The following SLC43A3 variants were observed in gnomAD, a reference collection of about 807,000 sequenced individuals.
SLC43A3 encodes solute carrier family 43 member 3, also known as equilibrative nucleobase transporter 1.
Under a neutral mutation model 53.3 loss-of-function variants are expected in SLC43A3, and 33 were observed. The observed-to-expected ratio is 0.62, with a 90% CI of 0.47 to 0.83. The LOEUF is 0.83. Among genes scored for constraint, SLC43A3 ranks in the 40% least tolerant of loss-of-function variants. The pLI, the probability that SLC43A3 is intolerant of heterozygous loss-of-function variation, is 0.00. For missense variants in SLC43A3, 530 were observed against 610.0 expected, an observed-to-expected ratio of 0.87 and a Z score of 1.38; for synonymous variants, 236 against 246.2, an observed-to-expected ratio of 0.96 and a Z score of 0.39.
Position 57,421,048 on chromosome 11 carries a change from C to G in SLC43A3, c.455G>C (p.Gly152Ala), listed in dbSNP as rs542036709. ...AGTGATGATGGTCGAACGGTGTTGG[C>G]CAAATAGGTTCCCAATCTGGGGATG... ...ITNLQIGNLF[G>A]QHRSTIITLY... is the part of the protein sequence containing the mutation. The change falls in exon 7 of 14, where the codon GGC becomes GCC. Residue 152 changes from glycine to alanine, a missense_variant. By Grantham distance (60) the Gly-to-Ala change is moderately conservative. Transcript: ENST00000395124. 6.2e-7 allele frequency: 1 copy of G among 1,612,944 alleles called. No homozygotes were observed. Among genetic ancestry groups the G allele is most frequent in the South Asian group, 1.1e-5 (1 of 91,052 alleles).
At chr11:57,421,222 T>C (rs1173029544) in intron 6 of SLC43A3, 75 bp downstream of exon 6, 7 of 1,392,708 alleles carry the variant, frequency 5.0e-6, no homozygotes, top group Non-Finnish European at 7.1e-6. Flanking sequence ...GGCAGCCAAT[T>C]ATAGAAAAGG....
At chr11:57,412,964 T>TTAAC (rs1942548117) in intron 11 of SLC43A3, among the ~76,000 whole-genome samples, 4 of 151,708 alleles carry the variant, frequency 2.6e-5, no homozygotes, top group Admixed American at 2.6e-4. Flanking sequence ...TCTAAACCAG[T>TTAAC]TGATCAATCT....
rs1241530875 is a variant in SLC43A3 at position 57,426,294 on chromosome 11, G to A, written c.-122C>T. The A allele has an allele frequency of 1.6e-5, 14 of 890,694 alleles. No individual in the cohort carries two copies. The East Asian group carries it at 3.7e-4, about 23-fold the overall frequency. The allele number at this position is 890,694 out of a possible 1,614,324, so 55.2% of individuals were successfully genotyped here. On this transcript the variant is annotated 5_prime_UTR_variant, in exon 3 of 14. The change creates a new upstream start codon in the 5' untranslated region. Coordinates refer to ENST00000395124, the MANE Select transcript of SLC43A3 (RefSeq NM_199329.3). ...TGGCAAGCCAAGCCCTTCCTTTCCCGTAGCTCTCTGGTTGTTTCAGGCCTG... is the reference window on the plus strand; with the variant it reads ...TGGCAAGCCAAGCCCTTCCTTTCCCATAGCTCTCTGGTTGTTTCAGGCCTG...
At chr11:57,410,794 G>C (rs1274464379) in intron 11 of SLC43A3, among the ~76,000 whole-genome samples, 2 of 152,218 alleles carry the variant, frequency 1.3e-5, no homozygotes, top group Non-Finnish European at 2.9e-5. Flanking sequence ...CCCAGTGGGG[G>C]AGGGTAACTG....
chr11:57,417,897 G>A lies in SLC43A3; in HGVS notation c.532-10C>T. On this transcript the variant is annotated splice_polypyrimidine_tract_variant and intron_variant, in intron 7 of 13. Transcript: ENST00000395124. Reference sequence around the variant, plus strand: ...CTTTTTCATAAAGAAGCTGCAGAAGGAGAAGGAAAAAGTCAGTGTCACACC... The same window carrying A: ...CTTTTTCATAAAGAAGCTGCAGAAGAAGAAGGAAAAAGTCAGTGTCACACC... The A allele has an allele frequency of 3.1e-6, 5 of 1,613,588 alleles. No homozygotes were observed. Among genetic ancestry groups the A allele is most frequent in the Non-Finnish European group, 3.4e-6 (4 of 1,179,718 alleles).
intron 7 of SLC43A3, among the ~76,000 whole-genome samples, chr11:57,418,902 AG>A (rs1208641768): frequency 6.6e-6 from 1 of 151,082 alleles, no homozygotes; most frequent in African/African-American, 2.5e-5. Context: ...AAAAAAAAAA[AG>A]GTTAAGATAG....
chr11:57,408,829 G>A (rs1942320588), intron 13 of SLC43A3: 1 of 247,650 alleles, frequency 4.0e-6, no homozygotes, highest in South Asian at 5.7e-5. Flanking sequence ...CCCTCCAGGT[G>A]TAAGGACACA....
At chr11:57,418,052 A>C (rs1251916816) in intron 7 of SLC43A3, among the ~76,000 whole-genome samples, 165 bp from the exon 8 acceptor site, 1 of 152,216 alleles carries the variant, frequency 6.6e-6, no homozygotes, top group East Asian at 1.9e-4. Context: ...TAAAAAAGGA[A>C]AGAGGCAACC....
At chr11:57,425,729 G>C (rs1284935384) in intron 3 of SLC43A3, 59 bp from the exon 4 acceptor site, 1 of 1,604,362 alleles carries the variant, frequency 6.2e-7, no homozygotes, top group East Asian at 2.2e-5. Flanking sequence ...GAGCACACAG[G>C]CTGGGCTCCC....
chr11:57,414,822 C>T (rs945776193), intron 10 of SLC43A3, 91 bp from the exon 11 acceptor site: 4 of 1,524,598 alleles, frequency 2.6e-6, no homozygotes, highest in African/African-American at 1.4e-5. Context: ...GTCTGCATGT[C>T]CCTCCTCCCC....
At chr11:57,412,521 T>C (rs540825782) in intron 11 of SLC43A3, among the ~76,000 whole-genome samples, 4 of 152,220 alleles carry the variant, frequency 2.6e-5, no homozygotes, top group Admixed American at 2.6e-4. Flanking sequence ...AAGATAGAAA[T>C]AGAAAATCAT....
intron 3 of SLC43A3, 85 bp from the exon 4 acceptor site, chr11:57,425,755 C>T: frequency 6.3e-7 from 1 of 1,576,452 alleles, no homozygotes; most frequent in South Asian, 1.1e-5. Context: ...CCTCAGACAG[C>T]TTGTCGGTCG....
intron 7 of SLC43A3, among the ~76,000 whole-genome samples, chr11:57,419,230 T>C (rs1474976060): frequency 2.6e-5 from 4 of 152,182 alleles, no homozygotes; most frequent in Admixed American, 2.0e-4. Flanking sequence ...CAAAAATTCA[T>C]CTTACAAAAC....
At chr11:57,410,926 G>A (rs937703353) in intron 11 of SLC43A3, among the ~76,000 whole-genome samples, 3 of 152,212 alleles carry the variant, frequency 2.0e-5, no homozygotes, top group South Asian at 2.1e-4. Flanking sequence ...TGCCACCACC[G>A]TGTAAGAAGT....
intron 13 of SLC43A3, 49 bp from the exon 14 acceptor site, chr11:57,407,945 G>T (rs921263784): frequency 1.6e-6 from 2 of 1,283,530 alleles, no homozygotes; most frequent in Non-Finnish European, 2.3e-6. Context: ...CTGAACAACA[G>T]AACTGTTGCT....
At chr11:57,416,298 C>A (rs549302886) in intron 9 of SLC43A3, among the ~76,000 whole-genome samples, 1 of 151,996 alleles carries the variant, frequency 6.6e-6, no homozygotes, top group African/African-American at 2.4e-5. Context: ...AGGGCAGAAC[C>A]GAGGAGTGGG....
chr11:57,424,836 T>G (rs759868102), intron 4 of SLC43A3, among the ~76,000 whole-genome samples: 1 of 152,186 alleles, frequency 6.6e-6, no homozygotes, highest in African/African-American at 2.4e-5. Context: ...ATCTCACATG[T>G]GCCTCCCTGG....
intron 7 of SLC43A3, among the ~76,000 whole-genome samples, chr11:57,418,908 A>G (rs539223478): frequency 1.3e-5 from 2 of 152,082 alleles, no homozygotes; most frequent in East Asian, 3.9e-4. Context: ...AAAAAGGTTA[A>G]GATAGTAAAT....
chr11:57,410,106 G>A lies in SLC43A3; in HGVS notation c.1076C>T (p.Ala359Val), dbSNP rs77057293. 3,907 of 1,603,056 alleles carry A rather than the reference G, an allele frequency of 2.4e-3. 84 individuals carry two copies. The East Asian group carries it at 0.041, about 17-fold the overall frequency. ...EARKTGSSTL[A>V]VALCSTVPSL... ...AGGCACCGTCGAGCAGAGGGCCACCGCCAAAGTGGAGGAACCTGGGCGAAC... is the reference window on the plus strand; with the variant it reads ...AGGCACCGTCGAGCAGAGGGCCACCACCAAAGTGGAGGAACCTGGGCGAAC... The change falls in exon 12 of 14, where the codon GCG becomes GTG. Residue 359 changes from alanine to valine, a missense_variant. Transcript: ENST00000395124.
Sources: gnomAD v4.1 joint callset for allele counts (sites outside exome capture counted in the v4.1 genomes callset) on GRCh38, gnomAD v4.1.1 for gene constraint, MANE v1.5 for transcripts, NCBI Gene and HGNC (gene_info 2026-07-23, HGNC 2026-07-21) for gene names.